Variants in TTC33 observed in about 807,000 individuals in gnomAD.
The protein encoded by TTC33 is tetratricopeptide repeat protein 33.
Under a neutral mutation model 29.4 loss-of-function variants are expected in TTC33, and 24 were observed. The observed-to-expected ratio is 0.82, with a 90% CI of 0.59 to 1.15. The LOEUF (loss-of-function observed/expected upper bound fraction) is 1.15, where lower values mean the gene tolerates loss of function less well. Ranked by LOEUF, TTC33 falls within the 50% of genes most tolerant of loss-of-function variation. The pLI is 0.00. For synonymous variants in TTC33, 107 were observed against 100.3 expected (o/e 1.07, Z -0.40); for missense variants, 286 against 310.4 (o/e 0.92, Z 0.59).
chr5:40,749,858 G>A (rs975257171), intron 1 of TTC33, among the ~76,000 whole-genome samples: 1 of 152,184 alleles, frequency 6.6e-6, no homozygotes, highest in Non-Finnish European at 1.5e-5. Context: ...GGGAGGCTGA[G>A]GTGGGCAGAT....
chr5:40,738,910 A>T (rs538975574), intron 2 of TTC33, among the ~76,000 whole-genome samples: 1 of 152,114 alleles, frequency 6.6e-6, no homozygotes, highest in Non-Finnish European at 1.5e-5. Flanking sequence ...TCTTCTTCCT[A>T]CTGAGTTGTA....
Position 40,714,982 on chromosome 5 carries a change from A to G in TTC33, c.*1163T>C, listed in dbSNP as rs551339368. 4 of 152,164 alleles carry G rather than the reference A, an allele frequency of 2.6e-5. No individual in the cohort carries two copies. The East Asian group carries it at 5.8e-4, about 22-fold the overall frequency. The allele number at this position is 152,164 out of a possible 1,614,324, so 9.4% of individuals were successfully genotyped here. On this transcript the variant is annotated 3_prime_UTR_variant, in exon 5 of 5. Transcript: ENST00000337702. ...AAAATAATAGTTCAGATTAGCAATG[A>G]CAGTATTGGTTTGTGAATATGACTG...
intron 4 of TTC33, among the ~76,000 whole-genome samples, chr5:40,727,579 A>C: frequency 6.6e-6 from 1 of 152,166 alleles, no homozygotes; most frequent in South Asian, 2.1e-4. Flanking sequence ...CAATAAGCCT[A>C]ACAACTTTTC....
At chr5:40,733,360 T>A (rs919333289) in intron 2 of TTC33, among the ~76,000 whole-genome samples, 17 of 152,124 alleles carry the variant, frequency 1.1e-4, no homozygotes, top group Admixed American at 9.2e-4. Flanking sequence ...CTATCACAAC[T>A]ATTCAACTCT....
In TTC33 at chr5:40,721,975, A is replaced by C. The variant is rs573047819; in HGVS notation, c.436-5477T>G. On this transcript the variant is annotated intron_variant, in intron 4 of 4. Coordinates refer to ENST00000337702, the MANE Select transcript of TTC33 (RefSeq NM_012382.3). The stretch of plus-strand genomic sequence containing the variant: ...TAGTAACCTGATCTTAAAATGGGCT[A>C]AACACTTGAATAGACATTTCTCTAA... Among the ~76,000 whole-genome samples, 17 of 152,340 alleles carry C rather than the reference A, an allele frequency of 1.1e-4. No homozygotes were observed. In the South Asian group the frequency reaches 2.1e-3, roughly 19 times the overall value.
Position 40,715,440 on chromosome 5 carries a change from C to T in TTC33, c.*705G>A, listed in dbSNP as rs1040258073. 6 of 152,164 alleles carry T rather than the reference C, an allele frequency of 3.9e-5. No individual in the cohort carries two copies. The highest frequency in any genetic ancestry group is 1.4e-4 in the African/African-American group (6 of 41,428). The allele number at this position is 152,164 out of a possible 1,614,324, so 9.4% of individuals were successfully genotyped here. ...TTGTGGTAAGGATTACTTACTGTAA[C>T]AATTAAAAAATAAAACCATCATTCT... On this transcript the variant is annotated 3_prime_UTR_variant, in exon 5 of 5. Coordinates refer to ENST00000337702, the MANE Select transcript of TTC33 (RefSeq NM_012382.3).
chr5:40,746,768 C>A (rs1212804460), intron 2 of TTC33, 30 bp downstream of exon 2: 1 of 1,535,996 alleles, frequency 6.5e-7, no homozygotes. Flanking sequence ...GTAAGCTCTT[C>A]TCCATAAAAA....
intron 2 of TTC33, among the ~76,000 whole-genome samples, chr5:40,740,344 G>A (rs1261366299): frequency 6.6e-6 from 1 of 151,372 alleles, no homozygotes; most frequent in East Asian, 1.9e-4. Flanking sequence ...TACTGGTAAT[G>A]GGTTATCTCA....
At chr5:40,726,739 A>G (rs1039133634) in intron 4 of TTC33, among the ~76,000 whole-genome samples, 1 of 152,128 alleles carries the variant, frequency 6.6e-6, no homozygotes, top group African/African-American at 2.4e-5. Flanking sequence ...ATAAAGGACA[A>G]TCTTTACTAA....
chr5:40,748,215 TG>T (rs1427081372), intron 1 of TTC33, among the ~76,000 whole-genome samples: 1 of 150,962 alleles, frequency 6.6e-6, no homozygotes, highest in African/African-American at 2.4e-5. Context: ...TTTGTTTTTT[TG>T]AGATGGAGTT....
At chr5:40,735,832 TG>T (rs1742537711) in intron 2 of TTC33, among the ~76,000 whole-genome samples, 1 of 152,156 alleles carries the variant, frequency 6.6e-6, no homozygotes, top group African/African-American at 2.4e-5. Context: ...AAGTGATGAC[TG>T]GATTTGACAA....
intron 1 of TTC33, among the ~76,000 whole-genome samples, chr5:40,748,837 T>G (rs1742845951): frequency 6.6e-6 from 1 of 152,196 alleles, no homozygotes; most frequent in Non-Finnish European, 1.5e-5. Context: ...GGGTAAATTT[T>G]AAAATAACAG....
intron 2 of TTC33, among the ~76,000 whole-genome samples, chr5:40,745,838 G>A (rs995219962): frequency 7.9e-5 from 12 of 152,060 alleles, no homozygotes; most frequent in Admixed American, 2.0e-4. Context: ...GGGCTCAAGC[G>A]ATCCTCCCAC....
chr5:40,748,465 G>A (rs779014403), intron 1 of TTC33, among the ~76,000 whole-genome samples: 4 of 151,622 alleles, frequency 2.6e-5, no homozygotes, highest in Non-Finnish European at 5.9e-5. Flanking sequence ...CAAATTGCTG[G>A]GATTACAGGC....
Position 40,747,144 on chromosome 5 carries a change from C to T in TTC33, c.-1-125G>A, listed in dbSNP as rs1487647388. The T allele has an allele frequency of 1.2e-5, 9 of 781,124 alleles. No homozygotes were observed. The African/African-American group carries it at 1.4e-4, about 12-fold the overall frequency. The allele number at this position is 781,124 out of a possible 1,614,324, so 48.4% of individuals were successfully genotyped here. A position where few individuals can be genotyped will look rare whatever the true frequency, so the allele number is the denominator to read the frequency against. ...CACGACCTCGGCTCACCGTAACCTCCGCCTCCCGGGTTAAGTGATTCTCCT... is the reference window on the plus strand; with the variant it reads ...CACGACCTCGGCTCACCGTAACCTCTGCCTCCCGGGTTAAGTGATTCTCCT... On this transcript the variant is annotated intron_variant, in intron 1 of 4. Coordinates refer to ENST00000337702, the MANE Select transcript of TTC33 (RefSeq NM_012382.3).
intron 1 of TTC33, among the ~76,000 whole-genome samples, chr5:40,747,363 C>T (rs1040041637): frequency 1.3e-5 from 2 of 152,022 alleles, no homozygotes; most frequent in African/African-American, 4.8e-5. Flanking sequence ...CGGCCCAAAA[C>T]TTGGTCTTTT....
chr5:40,728,223 G>A, intron 4 of TTC33, 122 bp downstream of exon 4: 2 of 737,836 alleles, frequency 2.7e-6, no homozygotes, highest in African/African-American at 2.0e-5. Flanking sequence ...GGCGGAGGTT[G>A]CCGTGAGCTG....
At chr5:40,722,092 G>C (rs1048950769) in intron 4 of TTC33, among the ~76,000 whole-genome samples, 1 of 152,186 alleles carries the variant, frequency 6.6e-6, no homozygotes, top group African/African-American at 2.4e-5. Context: ...ATGAGTCCCA[G>C]CTACTCGGGA....
chr5:40,755,462 C>T (rs904173380), intron 1 of TTC33, among the ~76,000 whole-genome samples: 2 of 152,222 alleles, frequency 1.3e-5, no homozygotes, highest in African/African-American at 4.8e-5. Flanking sequence ...GTTCACGGAC[C>T]GCCCCGGGCC....
Sources: allele counts gnomAD v4.1 joint callset (sites outside exome capture counted in the v4.1 genomes callset), GRCh38; gene constraint gnomAD v4.1.1; transcripts MANE v1.5; gene names NCBI Gene and HGNC (gene_info 2026-07-23, HGNC 2026-07-21).